Variants in MYO1C observed in about 807,000 individuals in gnomAD.
MYO1C encodes myosin IC.
Under a neutral mutation model 150.8 loss-of-function variants are expected in MYO1C, and 104 were observed. The observed-to-expected ratio is 0.69, with a 90% CI of 0.59 to 0.81. The LOEUF is 0.81. Among genes scored for constraint, MYO1C ranks in the 30% least tolerant of loss-of-function variants. The probability of loss-of-function intolerance (pLI) is 0.00; values close to 1 mark genes in which losing one functional copy is unlikely to be tolerated. For synonymous variants in MYO1C, 663 were observed against 579.9 expected, an observed-to-expected ratio of 1.14 and a Z score of -2.06; for missense variants, 1,504 against 1,435.0, an observed-to-expected ratio of 1.05 and a Z score of -0.78.
At chr17:1,486,688 G>C (rs1567536686) in intron 1 of MYO1C, among the ~76,000 whole-genome samples, 1 of 152,080 alleles carries the variant, frequency 6.6e-6, no homozygotes, top group Admixed American at 6.6e-5. Flanking sequence ...GCTAATTTTT[G>C]TATTTTTAGT....
chr17:1,469,419 C>CGGTAAATACGGTAGACCGG (rs1461383378), intron 25 of MYO1C, 112 bp downstream of exon 25: 13 of 1,047,106 alleles, frequency 1.2e-5, no homozygotes, highest in East Asian at 2.6e-5. Context: ...CGGTAGAACG[C>CGGTAAATACGGTAGACCGG]GGTAAATACG....
At position 1,484,613 on chromosome 17, in the gene MYO1C, C is replaced by T. The variant is rs899709838; in HGVS notation, c.76-310G>A. ...ACACAGGGCATGGACGCAGGCAGGA[C>T]CAGAGGGCAGAACCCGGGAGGTGCT... On this transcript the variant is annotated intron_variant, in intron 1 of 31. Transcript: ENST00000648651. 3.0e-5 allele frequency: 16 copies of T among 536,294 alleles called. No homozygotes were observed. In the African/African-American group the frequency reaches 3.1e-4, roughly 10 times the overall value. 33.2% of individuals were successfully genotyped at this position (536,294 alleles called of 1,614,324 possible).
In MYO1C at chr17:1,480,462, C is replaced by T. The variant is rs12449944; in HGVS notation, c.906+65G>A. ...AAACTCCGTCTCAAAAAATAAAAAA[C>T]AAAAAAAAAAGGAGATTTTGGGGGT... On this transcript the variant is annotated intron_variant, in intron 7 of 31. Coordinates refer to ENST00000648651, the MANE Select transcript of MYO1C (RefSeq NM_001080779.2). The T allele has an allele frequency of 4.1e-6, 5 of 1,233,970 alleles. No homozygotes were observed. In the African/African-American group the frequency reaches 6.1e-5, roughly 15 times the overall value. 76.4% of individuals were successfully genotyped at this position (1,233,970 alleles called of 1,614,324 possible).
At chr17:1,466,044 T>G (rs112614619) in intron 31 of MYO1C, among the ~76,000 whole-genome samples, 1 of 151,944 alleles carries the variant, frequency 6.6e-6, no homozygotes, top group Non-Finnish European at 1.5e-5. Context: ...GACTCAGACC[T>G]GACTCCCATA....
intron 1 of MYO1C, chr17:1,491,718 C>T (rs1388257739): frequency 1.2e-5 from 11 of 911,178 alleles, no homozygotes; most frequent in African/African-American, 5.4e-5. Flanking sequence ...CGCAGCCTGT[C>T]GTCATCCCGG....
In MYO1C at chr17:1,484,188, A is replaced by T; in HGVS notation, c.191T>A (p.Ile64Asn). The stretch of plus-strand genomic sequence containing the variant: ...CCGAAATCGCCGCCGCAGGTTCTCG[A>T]TGAAGGCGGCCTCGCTGGTGAAGTT... ...LENFTSEAAF[I>N]ENLRRRFREN... Residue 64 changes from isoleucine to asparagine, a missense_variant, in exon 2 of 32, where the codon ATC becomes AAC. Coordinates refer to ENST00000648651, the MANE Select transcript of MYO1C (RefSeq NM_001080779.2). 1 of 1,613,070 alleles carries T rather than the reference A, an allele frequency of 6.2e-7. No individual in the cohort carries two copies. The highest frequency in any genetic ancestry group is 8.5e-7 in the Non-Finnish European group (1 of 1,180,020).
intron 1 of MYO1C, among the ~76,000 whole-genome samples, chr17:1,489,182 A>G (rs2074702718): frequency 6.6e-6 from 1 of 152,210 alleles, no homozygotes. Flanking sequence ...AACAAATCTT[A>G]GATCTGGGCC....
intron 17 of MYO1C, 196 bp from the exon 18 acceptor site, chr17:1,472,424 A>G: frequency 1.7e-6 from 1 of 595,916 alleles, no homozygotes; most frequent in Non-Finnish European, 3.0e-6. Flanking sequence ...TGGCTGGGCG[A>G]GAGACCTCAG....
intron 7 of MYO1C, 30 bp downstream of exon 7, chr17:1,480,497 G>C: frequency 6.4e-7 from 1 of 1,566,482 alleles, no homozygotes; most frequent in Non-Finnish European, 8.8e-7. Flanking sequence ...TGTGACAGGA[G>C]GAAAGCGAGG....
At chr17:1,476,601 T>TG (rs2074406803) in intron 14 of MYO1C, among the ~76,000 whole-genome samples, 1 of 152,220 alleles carries the variant, frequency 6.6e-6, no homozygotes. Context: ...CTTCGCCTCT[T>TG]GGAGTCTCAG....
rs1169660551 is a variant in MYO1C, at chr17:1,468,326, G to A, written c.2705-18C>T. On this transcript the variant is annotated intron_variant, in intron 26 of 31. Transcript: ENST00000648651. ...ATCTGTACCTGCAACTCAGATGGCG[G>A]GGAGGGAAGTCAGTGGAGGCAATGG... is the stretch of plus-strand genomic sequence containing the variant. 3 of 1,614,002 alleles carry A rather than the reference G, an allele frequency of 1.9e-6. No individual in the cohort carries two copies. The highest frequency in any genetic ancestry group is 2.5e-6 in the Non-Finnish European group (3 of 1,180,026).
Position 1,478,094 on chromosome 17 carries a change from C to T in MYO1C, c.1394G>A (p.Gly465Asp). ...CCCCAGGCTAGCACACACCGCGATG[C>T]CCTCTGCCTCGTACTCCTCCTGCTC... ...KSEQEEYEAE[G>D]IAWEPVQYFN... Residue 465 changes from glycine (G) to aspartate (D), a missense_variant, in exon 12 of 32, where the codon GGC becomes GAC. By Grantham distance (94) the Gly-to-Asp change is moderately conservative. Coordinates refer to ENST00000648651, the MANE Select transcript of MYO1C (RefSeq NM_001080779.2). The surrounding 1 kb of genome is among the most constrained non-coding windows in gnomAD (Gnocchi z 6.3). 6.2e-7 allele frequency: 1 copy of T among 1,614,062 alleles called. No homozygotes were observed. Among genetic ancestry groups the T allele is most frequent in the Non-Finnish European group, 8.5e-7 (1 of 1,180,026 alleles).
intron 14 of MYO1C, 109 bp downstream of exon 14, chr17:1,477,396 T>C (rs2150949988): frequency 9.9e-7 from 1 of 1,008,758 alleles, no homozygotes; most frequent in African/African-American, 1.6e-5. Context: ...GCACCGTCCC[T>C]GGTCACCTCC....
At position 1,479,559 on chromosome 17, in the gene MYO1C, GT is replaced by G; in HGVS notation, c.1020+32del. ...TGCACCCCCAGCCCCCGCCCCCGCC[GT>G]CCTCCCGTCGCCCTCTGCCCGCCCC... On this transcript the variant is annotated intron_variant, in intron 8 of 31. Coordinates refer to ENST00000648651, the MANE Select transcript of MYO1C (RefSeq NM_001080779.2). The surrounding 1 kb of genome is among the most constrained non-coding windows in gnomAD (Gnocchi z 4.2). 18 of 737,360 alleles carry G rather than the reference GT, an allele frequency of 2.4e-5. No homozygotes were observed. Among genetic ancestry groups the G allele is most frequent in the Non-Finnish European group, 3.7e-5 (16 of 436,626 alleles). The allele number at this position is 737,360 out of a possible 1,614,324, so 45.7% of individuals were successfully genotyped here.
At position 1,468,486 on chromosome 17, in the gene MYO1C, T is replaced by G; in HGVS notation, c.2621A>C (p.Lys874Thr). 1 of 1,613,080 alleles carries G rather than the reference T, an allele frequency of 6.2e-7. No individual in the cohort carries two copies. The highest frequency in any genetic ancestry group is 8.5e-7 in the Non-Finnish European group (1 of 1,179,440). The change falls in exon 26 of 32, where the codon AAG becomes ACG. Residue 874 changes from lysine (K) to threonine (T), a missense_variant. Coordinates refer to ENST00000648651, the MANE Select transcript of MYO1C (RefSeq NM_001080779.2). Reference sequence around the variant, plus strand: ...CTTGAAGATCTCACTAGCCACGGCCTTCTGCTGCAGCTGAGGAGACAAGGG... The same window carrying G: ...CTTGAAGATCTCACTAGCCACGGCCGTCTGCTGCAGCTGAGGAGACAAGGG... ...SPEWKQQLQQKAVASEIFKGK... is the reference protein window; with the variant it reads ...SPEWKQQLQQTAVASEIFKGK...
chr17:1,485,034 G>C, intron 1 of MYO1C: 2 of 1,097,122 alleles, frequency 1.8e-6, no homozygotes, highest in South Asian at 2.6e-5. Context: ...CGCATGGCTG[G>C]GGCCACTCCC....
At chr17:1,490,169 C>T (rs1410289750) in intron 1 of MYO1C, among the ~76,000 whole-genome samples, 1 of 151,902 alleles carries the variant, frequency 6.6e-6, no homozygotes, top group African/African-American at 2.4e-5. Flanking sequence ...TCTCCTGCCT[C>T]CACTCCTCAC....
In MYO1C at chr17:1,474,987, C is replaced by T. The variant is rs745399070; in HGVS notation, c.1620G>A (p.Gly540=). ...CCGCATAGTGCAGAAGGCGGAATTC[C>T]CCTCGGCCCAGAGATTTCCTGGTCC... ...DQRTRKSLGR[G]EFRLLHYAGE... Residue 540 remains glycine (G), a synonymous_variant, in exon 15 of 32, where the codon GGG becomes GGA. Coordinates refer to ENST00000648651, the MANE Select transcript of MYO1C (RefSeq NM_001080779.2). The T allele has an allele frequency of 1.3e-6, 2 of 1,558,418 alleles. No individual in the cohort carries two copies. The highest frequency in any genetic ancestry group is 2.7e-5 in the African/African-American group (2 of 73,290).
intron 31 of MYO1C, among the ~76,000 whole-genome samples, chr17:1,466,420 T>C (rs1473110255): frequency 1.3e-4 from 20 of 152,052 alleles, no homozygotes; most frequent in Non-Finnish European, 1.5e-5. Context: ...AACCTCCACC[T>C]CCCGGGTTTA....
Sources: allele counts gnomAD v4.1 joint callset (sites outside exome capture counted in the v4.1 genomes callset), GRCh38; gene constraint gnomAD v4.1.1; non-coding constraint Gnocchi (gnomAD v3.1); transcripts MANE v1.5; gene names NCBI Gene and HGNC (gene_info 2026-07-23, HGNC 2026-07-21).